The following KLHL14 variants were observed in gnomAD, a reference collection of about 807,000 sequenced individuals.
KLHL14 encodes kelch-like protein 14.
A neutral mutation model predicts 64.3 loss-of-function variants in KLHL14; 22 were observed. That is an observed-to-expected ratio of 0.34 (90% CI 0.24 to 0.49). KLHL14 has a LOEUF of 0.49. KLHL14 is among the 20% of genes least tolerant of loss of function. The pLI is 0.99. For missense variants in KLHL14, 661 were observed against 789.0 expected (o/e 0.84, Z 1.94); for synonymous variants, 322 against 333.4 (o/e 0.97, Z 0.37).
intron 3 of KLHL14, among the ~76,000 whole-genome samples, chr18:32,732,261 T>C (rs765703131): frequency 2.2e-4 from 33 of 152,178 alleles, no homozygotes; most frequent in Admixed American, 6.5e-5. Context: ...TTTTATATCC[T>C]GGTAATGAAT....
At position 32,687,213 on chromosome 18, in the gene KLHL14, C is replaced by T; in HGVS notation, c.1180G>A (p.Val394Ile). ...TTAAATCGAGGATCATATCGGCTGA[C>T]AAAATTTGTACTGTGTTTTCCTGTA... ...NPNGKHSTNF[V>I]SRYDPRFNSW... Residue 394 changes from valine (V) to isoleucine (I), a missense_variant, in exon 5 of 9, where the codon GTC (valine) becomes ATC (isoleucine). Transcript: ENST00000359358. The T allele has an allele frequency of 1.2e-6, 2 of 1,613,750 alleles. No individual in the cohort carries two copies. The highest frequency in any genetic ancestry group is 1.7e-6 in the Non-Finnish European group (2 of 1,179,718).
intron 3 of KLHL14, among the ~76,000 whole-genome samples, chr18:32,697,469 G>A (rs921611155): frequency 2.6e-5 from 4 of 152,048 alleles, no homozygotes; most frequent in Non-Finnish European, 4.4e-5. Flanking sequence ...AGAGGCCATC[G>A]GCTACAACGA....
chr18:32,714,646 G>A (rs1031665878), intron 3 of KLHL14, among the ~76,000 whole-genome samples: 2 of 152,146 alleles, frequency 1.3e-5, no homozygotes, highest in African/African-American at 2.4e-5. Context: ...GAAGAATGAA[G>A]TCTGTTAATT....
intron 2 of KLHL14, among the ~76,000 whole-genome samples, chr18:32,747,787 G>C (rs1210598270): frequency 6.6e-6 from 1 of 152,126 alleles, no homozygotes; most frequent in Non-Finnish European, 1.5e-5. Context: ...AGCTTCTACT[G>C]ATTATCAATA....
chr18:32,764,211 T>C (rs2050328815), intron 2 of KLHL14, among the ~76,000 whole-genome samples: 1 of 152,320 alleles, frequency 6.6e-6, no homozygotes, highest in Admixed American at 6.5e-5. Context: ...TAAAATATCA[T>C]ATAAACAATA....
intron 3 of KLHL14, among the ~76,000 whole-genome samples, chr18:32,708,767 C>G (rs1334706138): frequency 1.3e-5 from 2 of 152,248 alleles, no homozygotes; most frequent in African/African-American, 4.8e-5. Context: ...GATCACAAAT[C>G]CTGGAGCTGC....
chr18:32,702,748 A>T (rs1315051141), intron 3 of KLHL14, among the ~76,000 whole-genome samples: 2 of 150,444 alleles, frequency 1.3e-5, no homozygotes, highest in Non-Finnish European at 3.0e-5. Flanking sequence ...AAGAGTTTTT[A>T]TGGTCAGAAT....
intron 1 of KLHL14, chr18:32,772,191 G>C (rs1048674658): frequency 2.6e-6 from 1 of 388,912 alleles, no homozygotes; most frequent in South Asian, 1.8e-5. Context: ...CTTCCACTGC[G>C]GCTCACTCTG....
chr18:32,702,951 C>T (rs2144492600), intron 3 of KLHL14, among the ~76,000 whole-genome samples: 1 of 152,284 alleles, frequency 6.6e-6, no homozygotes, highest in African/African-American at 2.4e-5. Flanking sequence ...ACGAAGAGAG[C>T]TTGTCTCTCA....
intron 3 of KLHL14, among the ~76,000 whole-genome samples, chr18:32,709,659 G>A (rs1326793383): frequency 1.1e-4 from 17 of 152,206 alleles, no homozygotes; most frequent in East Asian, 1.9e-4. Flanking sequence ...ATGTTGCCCA[G>A]GCTGGTCTTG....
intron 8 of KLHL14, among the ~76,000 whole-genome samples, chr18:32,675,102 C>T (rs563512512): frequency 5.3e-5 from 8 of 152,266 alleles, no homozygotes; most frequent in Middle Eastern, 3.4e-3. Context: ...TACCTGTAAT[C>T]ACAGAGCTTT....
Position 32,769,760 on chromosome 18 carries a change from C to A in KLHL14, c.832G>T (p.Val278Phe). ...GTTCGCATGAAATCCACTGACTGGA[C>A]CCGCTCCACCAGCTCCGGGGCCGGG... ...LIPAPELVERVQSVDFMRTDP... is the reference protein window; with the variant it reads ...LIPAPELVERFQSVDFMRTDP... The change falls in exon 2 of 9, where the codon GTC becomes TTC. Residue 278 changes from valine (V) to phenylalanine (F), a missense_variant. Transcript: ENST00000359358. The A allele has an allele frequency of 6.2e-7, 1 of 1,607,758 alleles. No individual in the cohort carries two copies. Among genetic ancestry groups the A allele is most frequent in the Non-Finnish European group, 8.5e-7 (1 of 1,176,154 alleles).
intron 2 of KLHL14, among the ~76,000 whole-genome samples, chr18:32,766,919 A>G (rs1158662477): frequency 6.6e-6 from 1 of 152,150 alleles, no homozygotes; most frequent in African/African-American, 2.4e-5. Flanking sequence ...CTTTCTATAG[A>G]TAATATACTC....
Position 32,680,417 on chromosome 18 carries a change from T to A in KLHL14, c.1421A>T (p.Tyr474Phe). 1 of 1,613,966 alleles carries A rather than the reference T, an allele frequency of 6.2e-7. No homozygotes were observed. Among genetic ancestry groups the A allele is most frequent in the Non-Finnish European group, 8.5e-7 (1 of 1,179,876 alleles). The change falls in exon 6 of 9, where the codon TAC becomes TTC. Residue 474 changes from tyrosine (Y) to phenylalanine (F), a missense_variant. Physicochemically the swap from Tyr to Phe is conservative, Grantham distance 22. Coordinates refer to ENST00000359358, the MANE Select transcript of KLHL14 (RefSeq NM_020805.3). The surrounding 1 kb of genome is among the most constrained non-coding windows in gnomAD (Gnocchi z 4.8). ...GTGGAGGAATTACTTGCCTGAAATGTATATTTTCCCATTGTGCACTGCTCC... is the reference window on the plus strand; with the variant it reads ...GTGGAGGAATTACTTGCCTGAAATGAATATTTTCCCATTGTGCACTGCTCC... ...HAGAVHNGKI[Y>F]ISGGVHNGEY...
rs2049949110 is a variant in KLHL14, at chr18:32,698,845, A to G, written c.1070-3293T>C. Among the ~76,000 whole-genome samples the G allele has an allele frequency of 1.3e-5, 2 of 152,184 alleles. 1 individual carries two copies. The highest frequency in any genetic ancestry group is 4.1e-4 in the South Asian group (2 of 4,826). On this transcript the variant is annotated intron_variant, in intron 3 of 8. Transcript: ENST00000359358. ...ACCATTTTTGCCCGTTCCACTCCAA[A>G]CACCCAAAATTCTATTCTAGTCTTG...
intron 2 of KLHL14, among the ~76,000 whole-genome samples, chr18:32,763,742 A>G (rs1405715773): frequency 6.6e-6 from 1 of 152,134 alleles, no homozygotes; most frequent in African/African-American, 2.4e-5. Flanking sequence ...AGCTTTTTTG[A>G]TTCACACTAT....
chr18:32,681,516 A>C (rs1232682671), intron 5 of KLHL14, among the ~76,000 whole-genome samples: 1 of 152,188 alleles, frequency 6.6e-6, no homozygotes, highest in Non-Finnish European at 1.5e-5. Flanking sequence ...ATTGGGAGTT[A>C]GGATGATTAG....
rs2049883088 is a variant in KLHL14, at chr18:32,687,101, A to G, written c.1238+54T>C. 2.1e-6 allele frequency: 3 copies of G among 1,421,000 alleles called. No individual in the cohort carries two copies. The East Asian group carries it at 6.8e-5, about 32-fold the overall frequency. 88.0% of individuals were successfully genotyped at this position (1,421,000 alleles called of 1,614,324 possible). On this transcript the variant is annotated intron_variant, in intron 5 of 8. Transcript: ENST00000359358. ...TCTTACAAAAAACCACCTAGCACCC[A>G]TGCCTCCTGTAAAGCCGTCACAAAC...
chr18:32,759,697 TTCTCTCTC>T (rs140880053), intron 2 of KLHL14, among the ~76,000 whole-genome samples: 20 of 148,380 alleles, frequency 1.3e-4, no homozygotes, highest in East Asian at 4.0e-4. Context: ...CATTATAACC[TTCTCTCTC>T]TCTCTCTCTC....
Sources: gnomAD v4.1 joint callset for allele counts (sites outside exome capture counted in the v4.1 genomes callset) on GRCh38, gnomAD v4.1.1 for gene constraint, Gnocchi (gnomAD v3.1) non-coding constraint, MANE v1.5 for transcripts, NCBI Gene and HGNC (gene_info 2026-07-23, HGNC 2026-07-21) for gene names.